Variants in WDR7 observed in about 807,000 individuals in gnomAD.
The protein encoded by WDR7 is WD repeat domain 7, also known as WD repeat-containing protein 7.
WDR7 carries 46 observed loss-of-function variants against 169.4 expected under a neutral mutation model. The observed-to-expected ratio is 0.27, with a 90% confidence interval of 0.21 to 0.35. The LOEUF (loss-of-function observed/expected upper bound fraction) is 0.35. WDR7 is among the 10% of genes least tolerant of loss of function. WDR7 has a pLI of 1.00. For missense variants in WDR7, 1,534 were observed against 1,859.3 expected (o/e 0.83, Z 3.22); for synonymous variants, 612 against 666.8 (o/e 0.92, Z 1.27).
chr18:57,017,649 G>A (rs2048227053), intron 26 of WDR7, among the ~76,000 whole-genome samples: 2 of 152,088 alleles, frequency 1.3e-5, no homozygotes, highest in Admixed American at 1.3e-4. Flanking sequence ...ATGAGTAGGA[G>A]GAAGTATTTA....
intron 14 of WDR7, among the ~76,000 whole-genome samples, chr18:56,749,785 G>A (rs1485097425): frequency 6.6e-6 from 1 of 151,778 alleles, no homozygotes; most frequent in Non-Finnish European, 1.5e-5. Context: ...GTTTCTCTTT[G>A]TCACAGGATA....
chr18:57,022,233 TC>T (rs1189501561), intron 27 of WDR7, among the ~76,000 whole-genome samples: 1 of 151,750 alleles, frequency 6.6e-6, no homozygotes, highest in Non-Finnish European at 1.5e-5. Context: ...TTTTTTGGGG[TC>T]CCCCCCGCCG....
chr18:56,675,506 G>A (rs1472337234), intron 2 of WDR7, among the ~76,000 whole-genome samples: 1 of 151,476 alleles, frequency 6.6e-6, no homozygotes, highest in East Asian at 1.9e-4. Context: ...TTTATTTTCA[G>A]ATTTTTCATT....
intron 12 of WDR7, chr18:56,699,888 C>T (rs1371436051): frequency 1.0e-6 from 1 of 985,044 alleles, no homozygotes; most frequent in East Asian, 1.1e-4. Context: ...TCCAGACCCC[C>T]TTTTCAAACT....
chr18:56,656,643 A>G (rs2024782733), intron 1 of WDR7, among the ~76,000 whole-genome samples: 1 of 148,908 alleles, frequency 6.7e-6, no homozygotes, highest in Non-Finnish European at 1.5e-5. Flanking sequence ...CTTAATTTGC[A>G]TTTCCCAAAT....
At chr18:56,883,149 G>T (rs753339435) in intron 21 of WDR7, among the ~76,000 whole-genome samples, 1 of 150,298 alleles carries the variant, frequency 6.7e-6, no homozygotes, top group African/African-American at 2.5e-5. Context: ...GGTGGAGCTT[G>T]CAGTGAGCCG....
intron 22 of WDR7, among the ~76,000 whole-genome samples, chr18:56,924,582 A>T (rs73958709): frequency 0.038 from 5,852 of 152,206 alleles, 157 homozygotes; most frequent in Middle Eastern, 0.071. Flanking sequence ...TGATCCAGGG[A>T]AGCAATGATG....
chr18:56,903,987 C>T (rs552139912), intron 21 of WDR7, among the ~76,000 whole-genome samples: 2 of 152,106 alleles, frequency 1.3e-5, no homozygotes, highest in African/African-American at 4.8e-5. Flanking sequence ...GCGGTTAATG[C>T]AGTGTTTAGT....
chr18:56,941,217 A>G (rs1042527243), intron 25 of WDR7, among the ~76,000 whole-genome samples: 15 of 152,126 alleles, frequency 9.9e-5, no homozygotes, highest in Admixed American at 3.3e-4. Context: ...CATACCAGGG[A>G]CTGAGGTAGG....
chr18:57,011,389 A>G (rs1481285366), intron 26 of WDR7, among the ~76,000 whole-genome samples: 1 of 149,798 alleles, frequency 6.7e-6, no homozygotes, highest in African/African-American at 2.6e-5. Context: ...GAGCCTGTTT[A>G]CTTGAGGCAT....
In WDR7 at chr18:56,822,214, C is replaced by T. The variant is rs1304812791; in HGVS notation, c.3304+6070C>T. ...CAAACATTATTTAGGACTGTTGTAA[C>T]ATAATAATATAAATAGAAGTATTTT... On this transcript the variant is annotated intron_variant, in intron 20 of 27. Transcript: ENST00000254442. Among the ~76,000 whole-genome samples, 4 of 152,240 alleles carry T rather than the reference C, an allele frequency of 2.6e-5. 1 individual carries two copies. The East Asian group carries it at 7.7e-4, about 29-fold the overall frequency.
rs187346308 is a variant in WDR7 at position 56,852,176 on chromosome 18, A to G, written c.3305-27768A>G. 6.6e-5 allele frequency among the ~76,000 whole-genome samples: 10 copies of G among 152,322 alleles called. No individual in the cohort carries two copies. In the East Asian group the frequency reaches 1.9e-3, roughly 29 times the overall value. ...CTATAGAAAAACGTGTTTTAAGGCC[A>G]TAAATTCTGTCTCTAGATAATATTC... On this transcript the variant is annotated intron_variant, in intron 20 of 27. Transcript: ENST00000254442.
intron 26 of WDR7, among the ~76,000 whole-genome samples, chr18:56,985,846 G>C (rs960072899): frequency 1.3e-5 from 2 of 152,070 alleles, no homozygotes. Flanking sequence ...TGTTGGTAGA[G>C]TGAATAAAAT....
intron 19 of WDR7, among the ~76,000 whole-genome samples, chr18:56,785,202 G>A (rs2044379597): frequency 1.3e-5 from 2 of 152,220 alleles, no homozygotes; most frequent in South Asian, 4.1e-4. Flanking sequence ...AAAAGGTTAT[G>A]GAGCCAGCTG....
At chr18:56,823,887 T>C (rs138066862) in intron 20 of WDR7, among the ~76,000 whole-genome samples, 2,414 of 152,326 alleles carry the variant, frequency 0.016, 32 homozygotes, top group Non-Finnish European at 0.02. Flanking sequence ...TCGTTGCATT[T>C]TCCTGCAACC....
chr18:56,929,281 A>C (rs1360580885), intron 22 of WDR7, among the ~76,000 whole-genome samples: 1 of 152,194 alleles, frequency 6.6e-6, no homozygotes, highest in African/African-American at 2.4e-5. Flanking sequence ...GTCTCAAAAA[A>C]AAAAATATTT....
chr18:56,768,178 C>T (rs995899914), intron 16 of WDR7, among the ~76,000 whole-genome samples: 4 of 152,030 alleles, frequency 2.6e-5, no homozygotes, highest in Non-Finnish European at 4.4e-5. Context: ...TTTTAAAGTT[C>T]GAATACTTTA....
chr18:56,998,436 G>A (rs759848010), intron 26 of WDR7, among the ~76,000 whole-genome samples: 17 of 152,128 alleles, frequency 1.1e-4, no homozygotes, highest in Non-Finnish European at 1.5e-4. Context: ...CATGGGAGTC[G>A]GGGCATACTT....
intron 12 of WDR7, among the ~76,000 whole-genome samples, chr18:56,711,849 T>C (rs894015853): frequency 1.3e-5 from 2 of 152,182 alleles, no homozygotes; most frequent in Non-Finnish European, 2.9e-5. Context: ...GCATCTTAAC[T>C]GCACATTTAT....
Sources: allele counts gnomAD v4.1 joint callset (sites outside exome capture counted in the v4.1 genomes callset), GRCh38; gene constraint gnomAD v4.1.1; transcripts MANE v1.5; gene names NCBI Gene and HGNC (gene_info 2026-07-23, HGNC 2026-07-21).